CPNE8: variants seen among roughly 807,000 people sequenced by gnomAD.
CPNE8 encodes copine-8.
A neutral mutation model predicts 81.5 loss-of-function variants in CPNE8; 45 were observed. The ratio of observed to expected loss-of-function variants is 0.55; its 90% confidence interval spans 0.44 to 0.71. The LOEUF (loss-of-function observed/expected upper bound fraction) is 0.71. Among genes scored for constraint, CPNE8 ranks in the 30% least tolerant of loss-of-function variants. The probability of loss-of-function intolerance (pLI) is 0.00; values close to 1 mark genes in which losing one functional copy is unlikely to be tolerated. For missense variants in CPNE8, 594 were observed against 672.1 expected (o/e 0.88, Z 1.28); for synonymous variants, 252 against 226.3 (o/e 1.11, Z -1.02).
At chr12:38,803,393 C>T (rs201693486) in intron 6 of CPNE8, among the ~76,000 whole-genome samples, 11,923 of 148,306 alleles carry the variant, frequency 0.08, 621 homozygotes, top group East Asian at 0.28. Context: ...ATAAACACAA[C>T]CAAAGACAAA....
At chr12:38,749,219 T>C (rs1941301486) in intron 10 of CPNE8, among the ~76,000 whole-genome samples, 1 of 152,170 alleles carries the variant, frequency 6.6e-6, no homozygotes, top group African/African-American at 2.4e-5. Flanking sequence ...GCCCTCCACG[T>C]GAGACTTGAC....
intron 6 of CPNE8, among the ~76,000 whole-genome samples, chr12:38,786,140 C>T (rs202048958): frequency 3.3e-5 from 5 of 152,038 alleles, no homozygotes; most frequent in East Asian, 3.9e-4. Flanking sequence ...AAAAACAAAG[C>T]CCAATGTTCT....
chr12:38,794,432 G>T (rs1942405266), intron 6 of CPNE8, among the ~76,000 whole-genome samples: 1 of 151,968 alleles, frequency 6.6e-6, no homozygotes, highest in Non-Finnish European at 1.5e-5. Context: ...CCAATAGAGA[G>T]TTAATAATAA....
intron 15 of CPNE8, among the ~76,000 whole-genome samples, chr12:38,686,790 C>T (rs1187810857): frequency 3.9e-5 from 6 of 152,156 alleles, no homozygotes; most frequent in Non-Finnish European, 8.8e-5. Context: ...CACAGGGCTG[C>T]TTGAGTGTTC....
At chr12:38,826,473 A>G (rs1277618394) in intron 6 of CPNE8, among the ~76,000 whole-genome samples, 1 of 152,174 alleles carries the variant, frequency 6.6e-6, no homozygotes, top group Non-Finnish European at 1.5e-5. Context: ...GCCCTTAGCA[A>G]GAGCTAAGAA....
chr12:38,885,522 C>T (rs189807847), intron 1 of CPNE8, among the ~76,000 whole-genome samples: 299 of 152,242 alleles, frequency 2.0e-3, no homozygotes, highest in African/African-American at 6.9e-3. Context: ...GGTGAAAATA[C>T]AGATATTTTA....
At chr12:38,776,985 A>G (rs1475614424) in intron 6 of CPNE8, among the ~76,000 whole-genome samples, 1 of 151,816 alleles carries the variant, frequency 6.6e-6, no homozygotes, top group Non-Finnish European at 1.5e-5. Context: ...TCTATACTAT[A>G]CTTTTTATCA....
chr12:38,777,312 A>T (rs1047399826), intron 6 of CPNE8, among the ~76,000 whole-genome samples: 7 of 152,330 alleles, frequency 4.6e-5, no homozygotes, highest in African/African-American at 1.2e-4. Context: ...AGATTACTGA[A>T]TAAGGATATA....
At chr12:38,865,172 T>C (rs1007765117) in intron 3 of CPNE8, among the ~76,000 whole-genome samples, 4 of 152,140 alleles carry the variant, frequency 2.6e-5, no homozygotes, top group Non-Finnish European at 4.4e-5. Context: ...ATAAAAAGCA[T>C]TGGCAAAGAT....
At chr12:38,746,920 T>A (rs1941237893) in intron 10 of CPNE8, among the ~76,000 whole-genome samples, 1 of 152,184 alleles carries the variant, frequency 6.6e-6, no homozygotes, top group Non-Finnish European at 1.5e-5. Flanking sequence ...TGTATCTTAA[T>A]TAAATGAATG....
chr12:38,657,458 G>GA (rs1243937767), intron 19 of CPNE8, among the ~76,000 whole-genome samples: 3 of 152,258 alleles, frequency 2.0e-5, no homozygotes, highest in East Asian at 1.9e-4. Flanking sequence ...GGGCACAGCT[G>GA]AAAAAAGGCA....
At chr12:38,682,614 T>C (rs921494279) in intron 16 of CPNE8, among the ~76,000 whole-genome samples, 2 of 152,184 alleles carry the variant, frequency 1.3e-5, no homozygotes, top group Admixed American at 1.3e-4. Context: ...TCTCAGTATA[T>C]CCAAAGTACT....
At chr12:38,806,283 A>G (rs1258356569) in intron 6 of CPNE8, among the ~76,000 whole-genome samples, 2 of 150,144 alleles carry the variant, frequency 1.3e-5, no homozygotes, top group African/African-American at 4.8e-5. Context: ...TACCAAAGCC[A>G]GGCAGAGACA....
chr12:38,727,674 G>C (rs768736956), intron 11 of CPNE8, among the ~76,000 whole-genome samples: 3 of 152,136 alleles, frequency 2.0e-5, no homozygotes, highest in African/African-American at 7.2e-5. Context: ...GTTTAACAGC[G>C]TATCTGCTGG....
intron 6 of CPNE8, among the ~76,000 whole-genome samples, chr12:38,788,171 A>G (rs971033722): frequency 1.3e-5 from 2 of 151,892 alleles, no homozygotes; most frequent in African/African-American, 4.8e-5. Context: ...AAAGAAAGCT[A>G]CAGGCCAATA....
At chr12:38,664,352 T>C (rs1939021249) in intron 19 of CPNE8, among the ~76,000 whole-genome samples, 1 of 152,110 alleles carries the variant, frequency 6.6e-6, no homozygotes, top group South Asian at 2.1e-4. Flanking sequence ...GTTCAATTTG[T>C]AATATGTATT....
chr12:38,799,048 G>T (rs189471787), intron 6 of CPNE8, among the ~76,000 whole-genome samples: 2 of 152,218 alleles, frequency 1.3e-5, no homozygotes. Context: ...GATTCATAAA[G>T]CAAGTCCTCA....
chr12:38,872,652 T>C (rs924452512), intron 3 of CPNE8, among the ~76,000 whole-genome samples: 2 of 152,234 alleles, frequency 1.3e-5, no homozygotes, highest in Admixed American at 6.5e-5. Flanking sequence ...CTGAAATCTT[T>C]TCAAGTGGCA....
At chr12:38,803,778 A>G (rs928462282) in intron 6 of CPNE8, among the ~76,000 whole-genome samples, 1 of 118,002 alleles carries the variant, frequency 8.5e-6, no homozygotes, top group Non-Finnish European at 1.8e-5. Context: ...TCAGCCCAAA[A>G]TCTCCTTAAG....
Sources: allele counts gnomAD v4.1 joint callset (sites outside exome capture counted in the v4.1 genomes callset), GRCh38; gene constraint gnomAD v4.1.1; transcripts MANE v1.5; gene names NCBI Gene and HGNC (gene_info 2026-07-23, HGNC 2026-07-21).